The following TSPAN18 variants were observed in gnomAD, a reference collection of about 807,000 sequenced individuals.
TSPAN18 encodes tetraspanin 18, also known as tetraspanin-18.
TSPAN18 carries 14 observed loss-of-function variants against 27.3 expected under a neutral mutation model. That is an observed-to-expected ratio of 0.51 (90% CI 0.34 to 0.80). The LOEUF (loss-of-function observed/expected upper bound fraction) is 0.80, where lower values mean the gene tolerates loss of function less well. TSPAN18 is among the 30% of genes least tolerant of loss of function. The pLI is 0.01. For synonymous variants in TSPAN18, 143 were observed against 136.5 expected (o/e 1.05, Z -0.33); for missense variants, 268 against 323.9 (o/e 0.83, Z 1.32).
chr11:44,739,863 A>T (rs897639410), intron 1 of TSPAN18, among the ~76,000 whole-genome samples: 1 of 152,108 alleles, frequency 6.6e-6, no homozygotes, highest in African/African-American at 2.4e-5. Context: ...AACCGGAGGG[A>T]ACAGCTATTC....
At chr11:44,799,512 C>T (rs145639792) in intron 2 of TSPAN18, among the ~76,000 whole-genome samples, 4 of 152,298 alleles carry the variant, frequency 2.6e-5, no homozygotes, top group African/African-American at 7.2e-5. Context: ...TAAGGGAGAA[C>T]GTCAATGAGC....
intron 1 of TSPAN18, among the ~76,000 whole-genome samples, chr11:44,745,058 T>C (rs900018292): frequency 2.0e-5 from 3 of 152,098 alleles, no homozygotes. Flanking sequence ...GTATAGAGCA[T>C]AGGGACTGGG....
rs374986796 is a variant in TSPAN18, at chr11:44,926,771, C to T, written c.699+14C>T. 31 of 1,613,362 alleles carry T rather than the reference C, an allele frequency of 1.9e-5. No individual in the cohort carries two copies. The highest frequency in any genetic ancestry group is 2.7e-5 in the African/African-American group (2 of 74,918). On this transcript the variant is annotated intron_variant, in intron 9 of 9. Transcript: ENST00000520358. Reference sequence around the variant, plus strand: ...CTGGCCATCGAGGTAAGTAAAGGCCCCCACTTCTGCCGCTCCCCAGGATGA... The same window carrying T: ...CTGGCCATCGAGGTAAGTAAAGGCCTCCACTTCTGCCGCTCCCCAGGATGA...
chr11:44,767,471 G>A (rs929460648), intron 2 of TSPAN18, among the ~76,000 whole-genome samples: 1 of 152,174 alleles, frequency 6.6e-6, no homozygotes, highest in Admixed American at 6.5e-5. Flanking sequence ...GCCCATGGTG[G>A]CACTCTTCTC....
intron 1 of TSPAN18, 63 bp downstream of exon 1, chr11:44,727,350 A>AC (rs537035070): frequency 3.1e-4 from 47 of 150,864 alleles, no homozygotes; most frequent in East Asian, 2.2e-3. Context: ...GGACCTGGGG[A>AC]CCCCCCCGCG....
In TSPAN18 at chr11:44,755,394, AG is replaced by A. The variant is rs1233522232; in HGVS notation, c.-239-9029del. On this transcript the variant is annotated intron_variant, in intron 1 of 9. Transcript: ENST00000520358. ...TGATTGGGACTCATTCTGGGAACAA[AG>A]GGTGCTGGGCCCAGTGACAGGACGA... Among the ~76,000 whole-genome samples, 3 of 152,116 alleles carry A rather than the reference AG, an allele frequency of 2.0e-5. No individual in the cohort carries two copies. In the East Asian group the frequency reaches 5.8e-4, roughly 30 times the overall value.
rs532956937 is a variant in TSPAN18 at position 44,906,044 on chromosome 11, G to C, written c.-10-363G>C. ...CTGCAGTAGAGCAACAACGTGAAGCGGGACTGCTGAGCACTTACCACGTGC... is the reference window on the plus strand; with the variant it reads ...CTGCAGTAGAGCAACAACGTGAAGCCGGACTGCTGAGCACTTACCACGTGC... On this transcript the variant is annotated intron_variant, in intron 3 of 9. Transcript: ENST00000520358. Among the ~76,000 whole-genome samples the C allele has an allele frequency of 3.3e-5, 5 of 152,298 alleles. No individual in the cohort carries two copies. The East Asian group carries it at 9.6e-4, about 29-fold the overall frequency.
chr11:44,811,056 A>G (rs1856702348), intron 2 of TSPAN18, among the ~76,000 whole-genome samples: 1 of 152,008 alleles, frequency 6.6e-6, no homozygotes, highest in African/African-American at 2.4e-5. Context: ...TCCCAAAACA[A>G]TAGCAGGCTT....
intron 2 of TSPAN18, among the ~76,000 whole-genome samples, chr11:44,769,559 A>T (rs1477526718): frequency 2.6e-5 from 4 of 152,240 alleles, no homozygotes; most frequent in South Asian, 4.2e-4. Context: ...TATTGATTAG[A>T]TTTCTTTAAT....
At chr11:44,897,293 C>A (rs1859093696) in intron 3 of TSPAN18, among the ~76,000 whole-genome samples, 1 of 152,212 alleles carries the variant, frequency 6.6e-6, no homozygotes, top group Non-Finnish European at 1.5e-5. Flanking sequence ...TTTCCAGCAT[C>A]AAATCTCTCT....
At chr11:44,901,996 C>T (rs1859279469) in intron 3 of TSPAN18, among the ~76,000 whole-genome samples, 1 of 152,216 alleles carries the variant, frequency 6.6e-6, no homozygotes, top group Admixed American at 6.5e-5. Flanking sequence ...ATCCTCTTTT[C>T]CCTTTCCAAA....
intron 2 of TSPAN18, among the ~76,000 whole-genome samples, chr11:44,786,053 C>T (rs902904638): frequency 1.2e-4 from 19 of 152,256 alleles, no homozygotes; most frequent in African/African-American, 3.6e-4. Context: ...TCATGCACAG[C>T]GAGGGCCCCA....
intron 2 of TSPAN18, among the ~76,000 whole-genome samples, chr11:44,808,115 C>T (rs1856640056): frequency 6.6e-6 from 1 of 152,020 alleles, no homozygotes; most frequent in African/African-American, 2.4e-5. Context: ...TTGTATAAAC[C>T]CCTATTATGT....
intron 1 of TSPAN18, among the ~76,000 whole-genome samples, chr11:44,732,517 A>G (rs1437024667): frequency 6.6e-6 from 1 of 152,162 alleles, no homozygotes; most frequent in African/African-American, 2.4e-5. Context: ...AGCCCCAGGA[A>G]TGATATCTCT....
At chr11:44,765,634 C>T (rs1332855091) in intron 2 of TSPAN18, among the ~76,000 whole-genome samples, 1 of 152,296 alleles carries the variant, frequency 6.6e-6, no homozygotes, top group African/African-American at 2.4e-5. Flanking sequence ...AGTGACTTGT[C>T]TAAGGTCACA....
At chr11:44,786,040 G>C (rs1398077721) in intron 2 of TSPAN18, among the ~76,000 whole-genome samples, 1 of 152,264 alleles carries the variant, frequency 6.6e-6, no homozygotes, top group Non-Finnish European at 1.5e-5. Context: ...TGAGCACTGT[G>C]CCTCATGCAC....
intron 3 of TSPAN18, among the ~76,000 whole-genome samples, chr11:44,892,162 T>C (rs1015580671): frequency 5.9e-5 from 9 of 152,188 alleles, no homozygotes; most frequent in African/African-American, 1.7e-4. Flanking sequence ...CTCCCAGAAC[T>C]GGGGTTTCCC....
At chr11:44,829,235 C>T (rs1287681282) in intron 2 of TSPAN18, among the ~76,000 whole-genome samples, 3 of 152,114 alleles carry the variant, frequency 2.0e-5, no homozygotes. Context: ...TTGCATTGTA[C>T]ATTCTATGGG....
intron 1 of TSPAN18, among the ~76,000 whole-genome samples, chr11:44,740,280 G>A (rs1429660255): frequency 6.6e-6 from 1 of 152,200 alleles, no homozygotes; most frequent in Non-Finnish European, 1.5e-5. Context: ...GGAGACCCGT[G>A]GGTCAGGACA....
Sources: allele counts gnomAD v4.1 joint callset (sites outside exome capture counted in the v4.1 genomes callset), GRCh38; gene constraint gnomAD v4.1.1; transcripts MANE v1.5; gene names NCBI Gene and HGNC (gene_info 2026-07-23, HGNC 2026-07-21).